The following CSMD1 variants were observed in gnomAD, a reference collection of about 807,000 sequenced individuals.
CSMD1 encodes CUB and Sushi multiple domains 1.
Under a neutral mutation model 417.5 loss-of-function variants are expected in CSMD1, and 213 were observed. That is an observed-to-expected ratio of 0.51 (90% CI 0.46 to 0.57). CSMD1 has a LOEUF of 0.57. Ranked by LOEUF, CSMD1 falls within the 20% of genes least tolerant of loss-of-function variation. CSMD1 has a pLI of 0.00. For synonymous variants in CSMD1, 2,862 were observed against 1,736.8 expected, an observed-to-expected ratio of 1.65 and a Z score of -16.11; for missense variants, 6,923 against 4,529.7, an observed-to-expected ratio of 1.53 and a Z score of -15.17.
intron 1 of CSMD1, among the ~76,000 whole-genome samples, chr8:4,758,587 G>A (rs553302445): frequency 6.6e-6 from 1 of 152,080 alleles, no homozygotes; most frequent in Admixed American, 6.6e-5. Flanking sequence ...ACCAAGACTT[G>A]GCAATTTATA....
intron 10 of CSMD1, among the ~76,000 whole-genome samples, chr8:3,551,477 C>T (rs931709384): frequency 6.6e-6 from 1 of 151,734 alleles, no homozygotes; most frequent in Non-Finnish European, 1.5e-5. Context: ...TTACCAAATA[C>T]ATAACTTTTA....
chr8:3,464,141 G>A (rs970262247), intron 12 of CSMD1, among the ~76,000 whole-genome samples: 2 of 152,066 alleles, frequency 1.3e-5, no homozygotes, highest in African/African-American at 4.8e-5. Context: ...AAATAGCTAC[G>A]GCAAATTACA....
chr8:3,548,442 C>T (rs183837096), intron 10 of CSMD1, among the ~76,000 whole-genome samples: 1 of 152,148 alleles, frequency 6.6e-6, no homozygotes, highest in East Asian at 1.9e-4. Flanking sequence ...TATCCCTCAA[C>T]CACTTCCCAC....
At chr8:4,361,674 G>A (rs1380317432) in intron 3 of CSMD1, among the ~76,000 whole-genome samples, 2 of 152,172 alleles carry the variant, frequency 1.3e-5, no homozygotes, top group African/African-American at 2.4e-5. Flanking sequence ...TCAGCAGCCA[G>A]GTGCGACGGC....
At chr8:4,009,356 A>T (rs1368863002) in intron 4 of CSMD1, among the ~76,000 whole-genome samples, 1 of 152,248 alleles carries the variant, frequency 6.6e-6, no homozygotes. Context: ...ACATAATTTA[A>T]AATACAGAAT....
chr8:4,229,517 T>C (rs964440147), intron 3 of CSMD1, among the ~76,000 whole-genome samples: 5 of 152,188 alleles, frequency 3.3e-5, no homozygotes, highest in African/African-American at 9.6e-5. Flanking sequence ...AATTCTACTG[T>C]AGCTTTTTTC....
chr8:4,320,030 C>A (rs1490591403), intron 3 of CSMD1, among the ~76,000 whole-genome samples: 5 of 151,896 alleles, frequency 3.3e-5, no homozygotes, highest in African/African-American at 1.2e-4. Flanking sequence ...ACCACCTCAA[C>A]AATGAAAAAA....
intron 3 of CSMD1, among the ~76,000 whole-genome samples, chr8:4,211,750 A>G (rs185673978): frequency 2.8e-4 from 43 of 152,320 alleles, no homozygotes; most frequent in Admixed American, 5.9e-4. Flanking sequence ...AGCCCTGCAA[A>G]TGTCAACCTC....
chr8:3,634,457 G>C (rs1038735037), intron 7 of CSMD1, among the ~76,000 whole-genome samples: 1 of 152,160 alleles, frequency 6.6e-6, no homozygotes, highest in African/African-American at 2.4e-5. Context: ...AATTAATGCT[G>C]TCGGCACAAC....
intron 2 of CSMD1, among the ~76,000 whole-genome samples, chr8:4,612,371 G>A (rs1457908503): frequency 6.6e-6 from 1 of 152,138 alleles, no homozygotes; most frequent in African/African-American, 2.4e-5. Context: ...AAGAGGAATG[G>A]TTTTCCAATC....
chr8:3,883,176 G>A (rs1401984633), intron 5 of CSMD1, among the ~76,000 whole-genome samples: 1 of 152,092 alleles, frequency 6.6e-6, no homozygotes, highest in African/African-American at 2.4e-5. Flanking sequence ...TTAAATGGCT[G>A]GGTGCAAATG....
intron 1 of CSMD1, among the ~76,000 whole-genome samples, chr8:4,655,468 AT>A (rs1181901957): frequency 1.3e-5 from 2 of 152,144 alleles, no homozygotes; most frequent in Non-Finnish European, 2.9e-5. Flanking sequence ...ATTCTGGCTT[AT>A]TTTTTGGAAA....
chr8:4,956,450 TA>T lies in CSMD1; in HGVS notation c.85+37881del, dbSNP rs1342632340. Among the ~76,000 whole-genome samples, 13 of 148,650 alleles carry T rather than the reference TA, an allele frequency of 8.7e-5. 1 individual carries two copies. The highest frequency in any genetic ancestry group is 3.2e-4 in the African/African-American group (13 of 40,884). Reference sequence around the variant, plus strand: ...ATGTGCATATATTTAATATACATATTAAAATATATTTTAAATATATTATAAA... The same window carrying T: ...ATGTGCATATATTTAATATACATATTAAATATATTTTAAATATATTATAAA... On this transcript the variant is annotated intron_variant, in intron 1 of 69. Coordinates refer to ENST00000635120, the MANE Select transcript of CSMD1 (RefSeq NM_033225.6).
chr8:4,238,151 G>A (rs1802178415), intron 3 of CSMD1, among the ~76,000 whole-genome samples: 1 of 152,202 alleles, frequency 6.6e-6, no homozygotes, highest in South Asian at 2.1e-4. Flanking sequence ...GGTAAGTCCA[G>A]TCCTGGAATC....
intron 3 of CSMD1, among the ~76,000 whole-genome samples, chr8:4,406,289 A>T (rs1805015566): frequency 6.6e-6 from 1 of 152,132 alleles, no homozygotes; most frequent in Non-Finnish European, 1.5e-5. Flanking sequence ...ATTCAAACAA[A>T]ACAAACCCTT....
chr8:4,222,444 A>G (rs1260102379), intron 3 of CSMD1, among the ~76,000 whole-genome samples: 2 of 151,960 alleles, frequency 1.3e-5, no homozygotes, highest in African/African-American at 2.4e-5. Flanking sequence ...GTCTTTGTGC[A>G]TTGTGTAGTA....
chr8:4,254,018 G>A (rs963932721), intron 3 of CSMD1, among the ~76,000 whole-genome samples: 4 of 141,730 alleles, frequency 2.8e-5, no homozygotes, highest in Admixed American at 2.4e-4. Context: ...CAGGGTTCAT[G>A]CCATTCTCCC....
At chr8:4,395,219 G>A (rs1285222451) in intron 3 of CSMD1, among the ~76,000 whole-genome samples, 4 of 152,142 alleles carry the variant, frequency 2.6e-5, no homozygotes, top group Non-Finnish European at 5.9e-5. Flanking sequence ...CATCTGGCTG[G>A]TTTTCTCCTC....
chr8:4,079,179 A>G (rs1255263354), intron 3 of CSMD1, among the ~76,000 whole-genome samples: 1 of 152,056 alleles, frequency 6.6e-6, no homozygotes, highest in Non-Finnish European at 1.5e-5. Context: ...ATTGAATATA[A>G]GCTAATGTTT....
Sources: allele counts gnomAD v4.1 joint callset (sites outside exome capture counted in the v4.1 genomes callset), GRCh38; gene constraint gnomAD v4.1.1; transcripts MANE v1.5; gene names NCBI Gene and HGNC (gene_info 2026-07-23, HGNC 2026-07-21).